Variants in SERPINB12 observed in about 807,000 individuals in gnomAD.
SERPINB12 encodes serpin family B member 12, also known as serpin B12.
A neutral mutation model predicts 41.1 loss-of-function variants in SERPINB12; 57 were observed. The observed-to-expected ratio is 1.39, with a 90% CI of 1.12 to 1.73. SERPINB12 has a LOEUF of 1.73. Among genes scored for constraint, SERPINB12 ranks in the 40% most tolerant of loss-of-function variants. The probability of loss-of-function intolerance (pLI) is 0.00; values close to 1 mark genes in which losing one functional copy is unlikely to be tolerated. For missense variants in SERPINB12, 536 were observed against 501.9 expected, an observed-to-expected ratio of 1.07 and a Z score of -0.65; for synonymous variants, 180 against 181.3, an observed-to-expected ratio of 0.99 and a Z score of 0.06.
At chr18:63,532,000 C>G in the SERPINB12 span, among the ~76,000 whole-genome samples, 1 of 152,128 alleles carries the variant, frequency 6.6e-6, no homozygotes, top group Admixed American at 6.5e-5. Flanking sequence ...TTTCCAAGAT[C>G]TTGGGAAATA....
chr18:63,541,147 G>C (rs1173164503), upstream of SERPINB12, among the ~76,000 whole-genome samples: 5 of 152,070 alleles, frequency 3.3e-5, no homozygotes, highest in African/African-American at 1.2e-4. Flanking sequence ...TCAATTATAC[G>C]ATTATTCTGT....
chr18:63,540,265 T>C (rs1418020018), upstream of SERPINB12, among the ~76,000 whole-genome samples: 1 of 152,126 alleles, frequency 6.6e-6, no homozygotes, highest in Non-Finnish European at 1.5e-5. Flanking sequence ...GAAAATGGGA[T>C]GAAAAACAAA....
chr18:63,556,332 G>T lies in SERPINB12; in HGVS notation c.168+5G>T. ...AGTGCACATCAGATTGATGAGGTAC[G>T]TGTCCACTAGGGTGCTACACAGGGT... On this transcript the variant is annotated splice_donor_5th_base_variant and intron_variant, in intron 2 of 7. Coordinates refer to ENST00000382768, the MANE Select transcript of SERPINB12 (RefSeq NM_001307928.2). 1 of 1,613,024 alleles carries T rather than the reference G, an allele frequency of 6.2e-7. No homozygotes were observed. The highest frequency in any genetic ancestry group is 8.5e-7 in the Non-Finnish European group (1 of 1,179,284).
the SERPINB12 span, among the ~76,000 whole-genome samples, chr18:63,526,679 T>C: frequency 6.6e-6 from 1 of 152,222 alleles, no homozygotes; most frequent in African/African-American, 2.4e-5. Flanking sequence ...TAAAACAGTT[T>C]GTTGTAAAAA....
At chr18:63,547,109 T>C (rs1272950357) in intron 1 of SERPINB12, among the ~76,000 whole-genome samples, 1 of 152,196 alleles carries the variant, frequency 6.6e-6, no homozygotes, top group Non-Finnish European at 1.5e-5. Flanking sequence ...TTTTATGATG[T>C]TTTGGATTTT....
At chr18:63,566,476 T>C in intron 7 of SERPINB12, 131 bp from the exon 8 acceptor site, 4 of 773,388 alleles carry the variant, frequency 5.2e-6, no homozygotes, top group South Asian at 1.8e-5. Flanking sequence ...AATCAGACTA[T>C]TCTCTAGCTT....
chr18:63,544,566 T>A (rs1345204437), intron 1 of SERPINB12, among the ~76,000 whole-genome samples: 1 of 152,194 alleles, frequency 6.6e-6, no homozygotes, highest in Non-Finnish European at 1.5e-5. Context: ...TTTCTATGTG[T>A]TCTTTGCTGT....
At chr18:63,539,166 C>G (rs543841711), upstream of SERPINB12, among the ~76,000 whole-genome samples, 6 of 152,222 alleles carry the variant, frequency 3.9e-5, no homozygotes, top group South Asian at 1.2e-3. Flanking sequence ...ATGACCATGA[C>G]TCTTCTTGAG....
intron 7 of SERPINB12, 26 bp from the exon 8 acceptor site, chr18:63,566,581 T>C (rs747036721): frequency 1.8e-5 from 29 of 1,568,854 alleles, no homozygotes; most frequent in Middle Eastern, 3.4e-4. Flanking sequence ...AATCTGATGC[T>C]AAATATTATT....
At chr18:63,550,360 C>T (rs906900302) in intron 1 of SERPINB12, among the ~76,000 whole-genome samples, 1 of 152,104 alleles carries the variant, frequency 6.6e-6, no homozygotes, top group Non-Finnish European at 1.5e-5. Flanking sequence ...TCCCTAAATG[C>T]ATCTGGGGCC....
chr18:63,534,476 T>C, the SERPINB12 span, among the ~76,000 whole-genome samples: 16 of 152,200 alleles, frequency 1.1e-4, no homozygotes, highest in African/African-American at 3.9e-4. Context: ...TACAATTGTT[T>C]TATGAACTTT....
chr18:63,556,445 C>A, intron 2 of SERPINB12, 118 bp downstream of exon 2: 2 of 758,562 alleles, frequency 2.6e-6, no homozygotes, highest in South Asian at 2.9e-5. Flanking sequence ...TTGGTCAGAA[C>A]CCATCCCTGT....
At chr18:63,561,878 G>A (rs1910922327) in intron 5 of SERPINB12, among the ~76,000 whole-genome samples, 1 of 152,158 alleles carries the variant, frequency 6.6e-6, no homozygotes, top group African/African-American at 2.4e-5. Context: ...GAACCCTCCA[G>A]ATACTAACTT....
At chr18:63,559,176 C>G (rs1195641176) in intron 3 of SERPINB12, among the ~76,000 whole-genome samples, 1 of 151,642 alleles carries the variant, frequency 6.6e-6, no homozygotes. Flanking sequence ...GCAATCTCAG[C>G]TCACTTCAAC....
chr18:63,532,819 C>G, the SERPINB12 span, among the ~76,000 whole-genome samples: 1 of 152,146 alleles, frequency 6.6e-6, no homozygotes, highest in African/African-American at 2.4e-5. Context: ...AAAACAACAA[C>G]AGCAGCAGAA....
intron 1 of SERPINB12, among the ~76,000 whole-genome samples, chr18:63,548,241 A>G (rs1184619882): frequency 6.6e-6 from 1 of 152,148 alleles, no homozygotes; most frequent in Non-Finnish European, 1.5e-5. Flanking sequence ...ATTTGTTGAT[A>G]CCTCAAACAC....
At chr18:63,528,483 A>T in the SERPINB12 span, among the ~76,000 whole-genome samples, 10 of 152,252 alleles carry the variant, frequency 6.6e-5, no homozygotes, top group East Asian at 1.9e-3. Context: ...TAGATGGTGG[A>T]TACTGCCCTA....
intron 1 of SERPINB12, among the ~76,000 whole-genome samples, chr18:63,550,996 G>A (rs957464014): frequency 5.3e-5 from 8 of 152,100 alleles, no homozygotes; most frequent in Admixed American, 5.2e-4. Flanking sequence ...TCGGCCGGGC[G>A]CGGTGGTTCA....
At chr18:63,541,514 C>T (rs1170108213), upstream of SERPINB12, among the ~76,000 whole-genome samples, 1 of 152,012 alleles carries the variant, frequency 6.6e-6, no homozygotes, top group African/African-American at 2.4e-5. Context: ...AACTAAATGC[C>T]CTCAAAATAT....
Sources: gnomAD v4.1 joint callset for allele counts (sites outside exome capture counted in the v4.1 genomes callset) on GRCh38, gnomAD v4.1.1 for gene constraint, MANE v1.5 for transcripts, NCBI Gene and HGNC (gene_info 2026-07-23, HGNC 2026-07-21) for gene names.